The following ADAM29 variants were observed in gnomAD, a reference collection of about 807,000 sequenced individuals.
ADAM29 encodes the protein ADAM metallopeptidase domain 29, also known as disintegrin and metalloproteinase domain-containing protein 29.
For synonymous variants in ADAM29, 367 were observed against 342.3 expected (o/e 1.07, Z -0.80); for missense variants, 969 against 1,001.8 (o/e 0.97, Z 0.44).
chr4:174,925,848 A>G (rs1413185691), intron 2 of ADAM29, among the ~76,000 whole-genome samples: 1 of 152,226 alleles, frequency 6.6e-6, no homozygotes, highest in African/African-American at 2.4e-5. Flanking sequence ...AGAAAATCAC[A>G]GTGGGCACTT....
intron 4 of ADAM29, among the ~76,000 whole-genome samples, chr4:174,967,143 G>T (rs922975567): frequency 6.6e-6 from 1 of 152,076 alleles, no homozygotes; most frequent in Non-Finnish European, 1.5e-5. Flanking sequence ...TAACATTTTT[G>T]AGTTTGTTTT....
At chr4:174,918,582 G>T (rs1742995395) in intron 1 of ADAM29, 111 bp downstream of exon 1, 1 of 151,936 alleles carries the variant, frequency 6.6e-6, no homozygotes, top group Non-Finnish European at 1.5e-5. Context: ...TACTGTTTAG[G>T]CTGAACCTAT....
intron 4 of ADAM29, among the ~76,000 whole-genome samples, chr4:174,960,725 A>C (rs1194043354): frequency 2.0e-5 from 3 of 152,088 alleles, no homozygotes; most frequent in African/African-American, 7.2e-5. Flanking sequence ...ATTAAGTGTA[A>C]ACATATTTGT....
intron 4 of ADAM29, among the ~76,000 whole-genome samples, chr4:174,948,493 C>T (rs1217060186): frequency 1.3e-5 from 2 of 152,092 alleles, no homozygotes; most frequent in Non-Finnish European, 2.9e-5. Flanking sequence ...ACTGAGCCCC[C>T]CAGCTTGTTT....
At chr4:174,949,238 TCCTACAGTCAC>T (rs1258395361) in intron 4 of ADAM29, among the ~76,000 whole-genome samples, 1 of 152,078 alleles carries the variant, frequency 6.6e-6, no homozygotes, top group Non-Finnish European at 1.5e-5. Context: ...TCTGTCCAGG[TCCTACAGTCAC>T]CCTGAGGCTA....
intron 4 of ADAM29, among the ~76,000 whole-genome samples, chr4:174,963,548 T>C (rs974441609): frequency 1.3e-5 from 2 of 152,194 alleles, no homozygotes; most frequent in Admixed American, 6.5e-5. Context: ...TCCTGATAAG[T>C]TGGGAAATAA....
Position 174,976,745 on chromosome 4 carries a change from AAGG to A in ADAM29, c.1223_1225del (p.Gly408del), listed in dbSNP as rs760953319. Reference sequence around the variant, plus strand: ...CGCTGTGGGAATGGTGTTGTTGAAGAAGGAGAAGAGTGTGACTGTGGACCTTTA... The same window carrying A: ...CGCTGTGGGAATGGTGTTGTTGAAGAAGAAGAGTGTGACTGTGGACCTTTA... On this transcript the variant is annotated inframe_deletion, in exon 5 of 5. Transcript: ENST00000359240. The A allele has an allele frequency of 2.0e-5, 32 of 1,614,000 alleles. No homozygotes were observed. The East Asian group carries it at 2.5e-4, about 12-fold the overall frequency.
At chr4:174,944,847 C>T (rs541186152) in intron 4 of ADAM29, among the ~76,000 whole-genome samples, 7 of 152,236 alleles carry the variant, frequency 4.6e-5, no homozygotes, top group African/African-American at 1.7e-4. Context: ...TATGTGTTCT[C>T]AAAGGTCATA....
chr4:174,944,317 G>A (rs1396740602), intron 4 of ADAM29, among the ~76,000 whole-genome samples: 3 of 152,028 alleles, frequency 2.0e-5, no homozygotes, highest in Non-Finnish European at 4.4e-5. Flanking sequence ...CGAGTAGGAA[G>A]AAAGGAAAGA....
intron 4 of ADAM29, among the ~76,000 whole-genome samples, chr4:174,947,756 C>CCATTTGG (rs2111002314): frequency 6.6e-6 from 1 of 152,192 alleles, no homozygotes; most frequent in East Asian, 1.9e-4. Flanking sequence ...TCTGTTAGGT[C>CCATTTGG]CATTTGGTCA....
intron 4 of ADAM29, among the ~76,000 whole-genome samples, chr4:174,964,159 G>A (rs1392180876): frequency 1.3e-5 from 2 of 152,038 alleles, no homozygotes; most frequent in Non-Finnish European, 2.9e-5. Flanking sequence ...TGCATTTGGA[G>A]ATAGCTTCTA....
At chr4:174,966,747 T>G (rs553381824) in intron 4 of ADAM29, among the ~76,000 whole-genome samples, 1 of 152,282 alleles carries the variant, frequency 6.6e-6, no homozygotes, top group African/African-American at 2.4e-5. Flanking sequence ...CAAGATCATG[T>G]CCCTCACTCT....
chr4:174,965,410 C>T (rs190115305), intron 4 of ADAM29, among the ~76,000 whole-genome samples: 2 of 152,178 alleles, frequency 1.3e-5, no homozygotes, highest in East Asian at 3.9e-4. Flanking sequence ...GGCCTCACTT[C>T]CAATACTACT....
chr4:174,943,510 G>T (rs1419606992), intron 4 of ADAM29, among the ~76,000 whole-genome samples: 1 of 152,144 alleles, frequency 6.6e-6, no homozygotes, highest in African/African-American at 2.4e-5. Context: ...TTATATAGCA[G>T]CAGGAAAGAG....
chr4:174,941,380 G>A (rs1357438606), intron 4 of ADAM29, among the ~76,000 whole-genome samples: 1 of 152,086 alleles, frequency 6.6e-6, no homozygotes, highest in Non-Finnish European at 1.5e-5. Context: ...TAAAAATGCT[G>A]TATTAATTTG....
intron 4 of ADAM29, among the ~76,000 whole-genome samples, chr4:174,942,652 C>T (rs560536732): frequency 2.0e-5 from 3 of 152,228 alleles, no homozygotes; most frequent in South Asian, 2.1e-4. Context: ...ACCATTTTTC[C>T]CTCCTAGGCT....
chr4:174,947,289 A>T (rs6834818), intron 4 of ADAM29, among the ~76,000 whole-genome samples: 3 of 151,768 alleles, frequency 2.0e-5, no homozygotes, highest in Non-Finnish European at 4.4e-5. Flanking sequence ...GTCTTCTGCT[A>T]GCTTTGGGGT....
intron 4 of ADAM29, among the ~76,000 whole-genome samples, chr4:174,944,390 C>G (rs1327946001): frequency 6.6e-6 from 1 of 152,154 alleles, no homozygotes; most frequent in Non-Finnish European, 1.5e-5. Flanking sequence ...CATCTCACTC[C>G]CCAAGCTGTT....
intron 4 of ADAM29, among the ~76,000 whole-genome samples, chr4:174,972,197 A>C (rs1041911810): frequency 2.0e-5 from 3 of 152,106 alleles, no homozygotes; most frequent in Admixed American, 6.6e-5. Context: ...CTGAAGATTT[A>C]TCTCTTCTTT....
Sources: allele counts gnomAD v4.1 joint callset (sites outside exome capture counted in the v4.1 genomes callset), GRCh38; gene constraint gnomAD v4.1.1; transcripts MANE v1.5; gene names NCBI Gene and HGNC (gene_info 2026-07-23, HGNC 2026-07-21).